TCN2: variants seen among roughly 807,000 people sequenced by gnomAD.
TCN2 encodes the protein transcobalamin 2.
A neutral mutation model predicts 48.6 loss-of-function variants in TCN2; 34 were observed. That is an observed-to-expected ratio of 0.70 (90% CI 0.53 to 0.93). The LOEUF is 0.93. Among genes scored for constraint, TCN2 ranks in the 40% least tolerant of loss-of-function variants. The pLI, the probability that TCN2 is intolerant of heterozygous loss-of-function variation, is 0.00. For synonymous variants in TCN2, 283 were observed against 212.5 expected (o/e 1.33, Z -2.89); for missense variants, 652 against 526.1 (o/e 1.24, Z -2.34).
At chr22:30,623,125 A>G (rs751981588) in intron 8 of TCN2, 42 bp downstream of exon 8, 1 of 1,603,688 alleles carries the variant, frequency 6.2e-7, no homozygotes, top group Non-Finnish European at 8.5e-7. Flanking sequence ...CCCTACCCCA[A>G]GCTTACTCAG....
intron 1 of TCN2, among the ~76,000 whole-genome samples, chr22:30,608,420 C>G (rs1169276529): frequency 2.6e-5 from 4 of 152,024 alleles, no homozygotes; most frequent in South Asian, 4.1e-4. Context: ...GAGGTTCTCC[C>G]TCTGTTGCCC....
At chr22:30,624,950 C>T (rs976011835) in intron 8 of TCN2, among the ~76,000 whole-genome samples, 1 of 152,204 alleles carries the variant, frequency 6.6e-6, no homozygotes, top group African/African-American at 2.4e-5. Flanking sequence ...GGTGCGGTGG[C>T]TCATGCCTAT....
At chr22:30,609,283 G>A (rs1427579209) in intron 1 of TCN2, among the ~76,000 whole-genome samples, 6 of 151,818 alleles carry the variant, frequency 4.0e-5, no homozygotes, top group African/African-American at 1.5e-4. Flanking sequence ...TATTACAGGC[G>A]TGAGCCACTC....
chr22:30,623,789 C>CATATATACACAT (rs2087740849), intron 8 of TCN2, among the ~76,000 whole-genome samples: 6 of 5,652 alleles, frequency 1.1e-3, no homozygotes, highest in South Asian at 0.014. Flanking sequence ...TATATGTATA[C>CATATATACACAT]ATATATACAC....
intron 6 of TCN2, 99 bp downstream of exon 6, chr22:30,615,886 C>A: frequency 6.7e-7 from 1 of 1,494,494 alleles, no homozygotes; most frequent in South Asian, 1.1e-5. Context: ...TTTGCTGAGT[C>A]AGCACAAGAT....
In TCN2 at chr22:30,622,996, C is replaced by T. The variant is rs781342382; in HGVS notation, c.1135C>T (p.Pro379Ser). The change falls in exon 8 of 9, where the codon CCC becomes TCC. Residue 379 changes from proline (P) to serine (S), a missense_variant. Pro to Ser is a moderately conservative substitution (Grantham distance 74). Transcript: ENST00000215838. ...TGAAACACAGGCCTCCTTGTCAGGC[C>T]CCTACTTAACCTCCGTGATGGGGAA... Reference protein sequence around the residue: ...TYETQASLSGPYLTSVMGKAA... With the variant: ...TYETQASLSGSYLTSVMGKAA... The T allele has an allele frequency of 2.5e-6, 4 of 1,614,056 alleles. No individual in the cohort carries two copies. In the South Asian group the frequency reaches 4.4e-5, roughly 18 times the overall value.
intron 8 of TCN2, chr22:30,623,314 A>AAC: frequency 1.9e-6 from 1 of 532,812 alleles, no homozygotes. Flanking sequence ...AAAAAAAACT[A>AAC]GAAGAAAATT....
Position 30,627,003 on chromosome 22 carries a change from A to C in TCN2, c.*482A>C, listed in dbSNP as rs2087820954. The stretch of plus-strand genomic sequence containing the variant: ...GCACAGTAGCTGGGGAGACCTCAGC[A>C]GGGCTGCTCAGTGCCTGCCTCTGAC... On this transcript the variant is annotated 3_prime_UTR_variant, in exon 9 of 9. Transcript: ENST00000215838. 8.7e-6 allele frequency: 2 copies of C among 228,750 alleles called. No homozygotes were observed. The highest frequency in any genetic ancestry group is 1.8e-5 in the Non-Finnish European group (2 of 113,258). The allele number at this position is 228,750 out of a possible 1,614,324, so 14.2% of individuals were successfully genotyped here.
chr22:30,625,803 C>G (rs754461636), intron 8 of TCN2, among the ~76,000 whole-genome samples: 1 of 152,152 alleles, frequency 6.6e-6, no homozygotes, highest in Non-Finnish European at 1.5e-5. Flanking sequence ...AGGCTCTACT[C>G]TCATGACCTA....
intron 2 of TCN2, among the ~76,000 whole-genome samples, chr22:30,611,817 A>G (rs1275263539): frequency 6.6e-6 from 1 of 152,230 alleles, no homozygotes; most frequent in Admixed American, 6.5e-5. Context: ...CAAAAGCAGC[A>G]TCTTTGTGCT....
At position 30,623,887 on chromosome 22, in the gene TCN2, C is replaced by G. The variant is rs1437897419; in HGVS notation, c.1222+804C>G. Among the ~76,000 whole-genome samples, 2 of 91,058 alleles carry G rather than the reference C, an allele frequency of 2.2e-5. 1 individual carries two copies. Among genetic ancestry groups the G allele is most frequent in the Admixed American group, 2.4e-4 (2 of 8,366 alleles). 59.7% of individuals were successfully genotyped at this position (91,058 alleles called of 152,430 possible). A position where few individuals can be genotyped will look rare whatever the true frequency, so the allele number is the denominator to read the frequency against. On this transcript the variant is annotated intron_variant, in intron 8 of 8. Transcript: ENST00000215838. ...ACACATATATACACACATATATACA[C>G]ACATATATATGTATACATATATATA... is the stretch of plus-strand genomic sequence containing the variant.
intron 7 of TCN2, among the ~76,000 whole-genome samples, chr22:30,621,676 G>C (rs1290525234): frequency 6.6e-6 from 1 of 152,152 alleles, no homozygotes; most frequent in African/African-American, 2.4e-5. Context: ...TAGAGATGGG[G>C]TTTCACCATG....
At chr22:30,618,712 T>A (rs897654475) in intron 7 of TCN2, among the ~76,000 whole-genome samples, 3 of 151,998 alleles carry the variant, frequency 2.0e-5, no homozygotes, top group Admixed American at 1.3e-4. Context: ...GGCACATTCA[T>A]AGCTCACTGC....
At chr22:30,610,762 G>A (rs2087525570) in intron 1 of TCN2, 109 bp from the exon 2 acceptor site, 1 of 1,149,226 alleles carries the variant, frequency 8.7e-7, no homozygotes, top group Non-Finnish European at 1.3e-6. Flanking sequence ...GCTGGGTGGA[G>A]GTGGGGGTGA....
chr22:30,614,035 G>A (rs1055427806), intron 3 of TCN2, among the ~76,000 whole-genome samples: 1 of 152,166 alleles, frequency 6.6e-6, no homozygotes, highest in Non-Finnish European at 1.5e-5. Flanking sequence ...GGAGAATCCT[G>A]CCTTGACTTC....
In TCN2 at chr22:30,623,943, C is replaced by CATATATGTATACATATAT. The variant is rs1569046916; in HGVS notation, c.1222+861_1222+862insTATATGTATACATATATA. 2.8e-5 allele frequency among the ~76,000 whole-genome samples: 3 copies of CATATATGTATACATATAT among 105,946 alleles called. 1 individual carries two copies. Among genetic ancestry groups the CATATATGTATACATATAT allele is most frequent in the Non-Finnish European group, 5.7e-5 (3 of 52,772 alleles). 69.5% of individuals were successfully genotyped at this position (105,946 alleles called of 152,430 possible). A position where few individuals can be genotyped will look rare whatever the true frequency, so the allele number is the denominator to read the frequency against. ...ATATATATGTATACATATATACACA[C>CATATATGTATACATATAT]ACACATATGTATACATATATACACA... On this transcript the variant is annotated intron_variant, in intron 8 of 8. Transcript: ENST00000215838.
chr22:30,611,592 C>G (rs2087542460), intron 2 of TCN2, among the ~76,000 whole-genome samples: 1 of 152,250 alleles, frequency 6.6e-6, no homozygotes, highest in Non-Finnish European at 1.5e-5. Flanking sequence ...GCCCCAACCT[C>G]CAATTCCCGG....
In TCN2 at chr22:30,613,059, C is replaced by T. The variant is rs187924928; in HGVS notation, c.427+17C>T. The T allele has an allele frequency of 5.4e-4, 869 of 1,613,306 alleles. 4 individuals are homozygous for T. In the African/African-American group the frequency reaches 9.3e-3, roughly 17 times the overall value. ...GAGCCATTGGTGAGCAGACACCATC[C>T]GCTGGGGGTGGGGAGCAGCTGGGAG... is the stretch of plus-strand genomic sequence containing the variant. On this transcript the variant is annotated intron_variant, in intron 3 of 8. Transcript: ENST00000215838.
intron 8 of TCN2, chr22:30,623,367 T>G: frequency 2.9e-6 from 1 of 348,808 alleles, no homozygotes; most frequent in Non-Finnish European, 5.4e-6. Flanking sequence ...CGTCTTTTAT[T>G]TTGAGATGGA....
Sources: gnomAD v4.1 joint callset for allele counts (sites outside exome capture counted in the v4.1 genomes callset) on GRCh38, gnomAD v4.1.1 for gene constraint, MANE v1.5 for transcripts, NCBI Gene and HGNC (gene_info 2026-07-23, HGNC 2026-07-21) for gene names.